FAM167A: variants seen among roughly 807,000 people sequenced by gnomAD.
The protein encoded by FAM167A is protein FAM167A.
In FAM167A, 23 loss-of-function variants were observed where a neutral mutation model predicts 14.9. That is an observed-to-expected ratio of 1.55 (90% CI 1.11 to 2.19). FAM167A has a LOEUF of 2.19. FAM167A is among the 30% of genes most tolerant of loss of function. The probability of loss-of-function intolerance (pLI) is 0.00; values close to 1 mark genes in which losing one functional copy is unlikely to be tolerated. For synonymous variants in FAM167A, 174 were observed against 117.7 expected (o/e 1.48, Z -3.10); for missense variants, 401 against 281.5 (o/e 1.42, Z -3.04).
At chr8:11,434,470 G>C (rs1015587874) in intron 2 of FAM167A, among the ~76,000 whole-genome samples, 2 of 152,044 alleles carry the variant, frequency 1.3e-5, no homozygotes, top group Non-Finnish European at 2.9e-5. Context: ...AGGGGCTCCT[G>C]TGCCCCCTGG....
At chr8:11,455,998 TGAGTGG>T (rs1807258776) in intron 1 of FAM167A, among the ~76,000 whole-genome samples, 1 of 95,046 alleles carries the variant, frequency 1.1e-5, no homozygotes, top group Admixed American at 1.2e-4. Flanking sequence ...CTTCTGGGTA[TGAGTGG>T]GAGTGTAGGG....
chr8:11,442,876 C>T (rs1486469777), intron 2 of FAM167A, among the ~76,000 whole-genome samples: 1 of 152,218 alleles, frequency 6.6e-6, no homozygotes, highest in African/African-American at 2.4e-5. Flanking sequence ...AACAGGCTTC[C>T]AATTAATCAG....
intron 1 of FAM167A, among the ~76,000 whole-genome samples, chr8:11,454,947 G>C (rs542865152): frequency 1.3e-5 from 2 of 152,222 alleles, no homozygotes; most frequent in Non-Finnish European, 2.9e-5. Flanking sequence ...GGTTGCCATG[G>C]CAACTGAGCA....
chr8:11,436,331 G>A (rs1032059640), intron 2 of FAM167A, among the ~76,000 whole-genome samples: 2 of 152,208 alleles, frequency 1.3e-5, no homozygotes, highest in Admixed American at 6.5e-5. Flanking sequence ...CACTCCCCTG[G>A]AGAGCAAGTG....
At chr8:11,456,174 GT>G (rs1807280202) in intron 1 of FAM167A, among the ~76,000 whole-genome samples, 2 of 127,296 alleles carry the variant, frequency 1.6e-5, no homozygotes, top group South Asian at 2.7e-4. Flanking sequence ...TTGCCTTGCT[GT>G]GTGTGTGTGT....
chr8:11,437,627 A>AC lies in FAM167A; in HGVS notation c.381+6403dup, dbSNP rs529477997. Among the ~76,000 whole-genome samples the AC allele has an allele frequency of 1.2e-3, 180 of 149,448 alleles. 1 individual carries two copies. The highest frequency in any genetic ancestry group is 4.5e-3 in the African/African-American group (174 of 39,032). Reference sequence around the variant, plus strand: ...GAATCACTTGCAGATACCTGTTAAAACCCCAACACCTCCCCAGGTTTATGG... The same window carrying AC: ...GAATCACTTGCAGATACCTGTTAAAACCCCCAACACCTCCCCAGGTTTATGG... On this transcript the variant is annotated intron_variant, in intron 2 of 2. Coordinates refer to ENST00000284486, the MANE Select transcript of FAM167A (RefSeq NM_053279.3).
intron 2 of FAM167A, chr8:11,438,416 T>C (rs3021517): frequency 0.16 from 71,186 of 452,494 alleles, 6,962 homozygotes; most frequent in Non-Finnish European, 0.22. Flanking sequence ...ATTGAAGGCC[T>C]TACTTTTATT....
chr8:11,467,604 G>T (rs1477524914), upstream of FAM167A: 3 of 152,394 alleles, frequency 2.0e-5, no homozygotes, highest in African/African-American at 7.2e-5. Flanking sequence ...CGATAGCCCT[G>T]GGCGTGCGCG....
rs1806693678 is a variant in FAM167A, at chr8:11,444,916, G to A, written c.-397-108C>T. On this transcript the variant is annotated intron_variant, in intron 1 of 2. Coordinates refer to ENST00000284486, the MANE Select transcript of FAM167A (RefSeq NM_053279.3). Reference sequence around the variant, plus strand: ...AACTGAGGCTCAGAGTGGACTGGTGGCTGCGCTTCTCATGGCTAGTCCGGG... The same window carrying A: ...AACTGAGGCTCAGAGTGGACTGGTGACTGCGCTTCTCATGGCTAGTCCGGG... 3 of 888,162 alleles carry A rather than the reference G, an allele frequency of 3.4e-6. 1 individual carries two copies. Among genetic ancestry groups the A allele is most frequent in the South Asian group, 1.0e-4 (2 of 19,302 alleles). The allele number at this position is 888,162 out of a possible 1,614,324, so 55.0% of individuals were successfully genotyped here.
intron 1 of FAM167A, among the ~76,000 whole-genome samples, chr8:11,453,793 C>T (rs1215269794): frequency 1.3e-5 from 2 of 152,080 alleles, no homozygotes; most frequent in Non-Finnish European, 2.9e-5. Flanking sequence ...GAACCACCTT[C>T]ACTGAGTTTA....
intron 2 of FAM167A, chr8:11,435,213 C>A: frequency 2.3e-6 from 1 of 435,004 alleles, no homozygotes. Context: ...CCCTGTGGTC[C>A]CTTCTCCACC....
Position 11,444,227 on chromosome 8 carries a change from C to A in FAM167A, c.185G>T (p.Arg62Met). Residue 62 changes from arginine (R) to methionine (M), a missense_variant, in exon 2 of 3, where the codon AGG becomes ATG. By Grantham distance (91) the Arg-to-Met change is moderately conservative (BLOSUM62 -1). Coordinates refer to ENST00000284486, the MANE Select transcript of FAM167A (RefSeq NM_053279.3). ...RLEEHTWPFPRPAAEPQASLE... is the reference protein window; with the variant it reads ...RLEEHTWPFPMPAAEPQASLE... ...GCTCGCCTGTGGCTCCGCAGCCGGC[C>A]TCGGGAAGGGCCAGGTATGCTCCTC... The A allele has an allele frequency of 6.2e-7, 1 of 1,612,276 alleles. No individual in the cohort carries two copies. The highest frequency in any genetic ancestry group is 8.5e-7 in the Non-Finnish European group (1 of 1,179,816).
At chr8:11,438,530 G>C (rs752503040) in intron 2 of FAM167A, 3 of 456,804 alleles carry the variant, frequency 6.6e-6, no homozygotes, top group Admixed American at 2.3e-5. Context: ...TTGCTTCTTT[G>C]GTCTTTCAAT....
intron 2 of FAM167A, among the ~76,000 whole-genome samples, chr8:11,435,658 A>G (rs1805955876): frequency 6.6e-6 from 1 of 152,196 alleles, no homozygotes; most frequent in South Asian, 2.1e-4. Context: ...GCCAGTAGAA[A>G]GGACAGAGGA....
upstream of FAM167A, among the ~76,000 whole-genome samples, chr8:11,469,531 G>A (rs955901035): frequency 1.3e-5 from 2 of 152,078 alleles, no homozygotes; most frequent in South Asian, 4.2e-4. Context: ...ATGAGACATT[G>A]CCTCTTATAA....
chr8:11,460,416 A>C (rs1807493067), intron 1 of FAM167A, among the ~76,000 whole-genome samples: 1 of 152,152 alleles, frequency 6.6e-6, no homozygotes, highest in Non-Finnish European at 1.5e-5. Flanking sequence ...TGACACATGC[A>C]GAGTCAGCCC....
At chr8:11,455,205 CTGTG>C (rs370728935) in intron 1 of FAM167A, among the ~76,000 whole-genome samples, 5 of 114,472 alleles carry the variant, frequency 4.4e-5, no homozygotes, top group Non-Finnish European at 7.4e-5. Flanking sequence ...TTGCCTTGCT[CTGTG>C]TGTGTGTGTG....
intron 2 of FAM167A, chr8:11,438,085 C>T (rs1470395834): frequency 4.4e-6 from 2 of 454,836 alleles, no homozygotes; most frequent in African/African-American, 4.0e-5. Context: ...ACCTTGGCCT[C>T]ACCCCACCCC....
intron 1 of FAM167A, among the ~76,000 whole-genome samples, chr8:11,450,265 C>T (rs1401324587): frequency 2.0e-5 from 3 of 152,206 alleles, no homozygotes; most frequent in African/African-American, 7.2e-5. Flanking sequence ...GTACCCAGGA[C>T]AACCCGAGCA....
Sources: gnomAD v4.1 joint callset for allele counts (sites outside exome capture counted in the v4.1 genomes callset) on GRCh38, gnomAD v4.1.1 for gene constraint, MANE v1.5 for transcripts, NCBI Gene and HGNC (gene_info 2026-07-23, HGNC 2026-07-21) for gene names.